Variants in ZRANB3 observed in about 807,000 individuals in gnomAD.
The protein encoded by ZRANB3 is zinc finger RANBP2-type containing 3, also known as DNA annealing helicase and endonuclease ZRANB3.
In ZRANB3, 125 loss-of-function variants were observed where a neutral mutation model predicts 133.8. The ratio of observed to expected loss-of-function variants is 0.93; its 90% CI spans 0.81 to 1.08. The LOEUF is 1.08. ZRANB3 is among the 50% of genes least tolerant of loss of function. The pLI is 0.00. For missense variants in ZRANB3, 1,229 were observed against 1,275.5 expected (o/e 0.96, Z 0.56); for synonymous variants, 387 against 432.7 (o/e 0.89, Z 1.31).
At chr2:135,229,837 A>C (rs1446521623) in intron 13 of ZRANB3, among the ~76,000 whole-genome samples, 1 of 152,174 alleles carries the variant, frequency 6.6e-6, no homozygotes, top group African/African-American at 2.4e-5. Context: ...TCTTTTTCTT[A>C]CGACAACCAC....
At chr2:135,227,352 T>C (rs1303701985) in intron 14 of ZRANB3, among the ~76,000 whole-genome samples, 1 of 152,234 alleles carries the variant, frequency 6.6e-6, no homozygotes, top group Non-Finnish European at 1.5e-5. Context: ...TGACATTATG[T>C]TCCCTAAAAA....
intron 2 of ZRANB3, among the ~76,000 whole-genome samples, chr2:135,443,759 T>A (rs1689899533): frequency 6.6e-6 from 1 of 151,962 alleles, no homozygotes; most frequent in Non-Finnish European, 1.5e-5. Context: ...TAAGGAAAGA[T>A]TAAGAAACTA....
At chr2:135,354,791 G>A (rs1295407363) in intron 3 of ZRANB3, among the ~76,000 whole-genome samples, 1 of 152,196 alleles carries the variant, frequency 6.6e-6, no homozygotes, top group Non-Finnish European at 1.5e-5. Context: ...GGAATAGCAT[G>A]AGGGAACTTT....
intron 3 of ZRANB3, among the ~76,000 whole-genome samples, chr2:135,377,042 A>G (rs936411190): frequency 1.3e-5 from 2 of 152,258 alleles, no homozygotes; most frequent in Admixed American, 6.5e-5. Flanking sequence ...TCTAGCCAAT[A>G]AAGTTCTTTC....
chr2:135,215,627 A>G (rs538303253), intron 17 of ZRANB3, among the ~76,000 whole-genome samples: 1 of 152,262 alleles, frequency 6.6e-6, no homozygotes, highest in Admixed American at 6.5e-5. Context: ...GTCTCAGCCC[A>G]TATCTCATCC....
rs769463877 is a variant in ZRANB3 at position 135,200,117 on chromosome 2, A to G, written c.*225T>C. ...TGCTGAAACATAATTGCGAGTCTGA[A>G]TCAAATCAAAAAGACCACAGAAATA... On this transcript the variant is annotated 3_prime_UTR_variant, in exon 21 of 21. Transcript: ENST00000264159. 2.4e-5 allele frequency: 15 copies of G among 612,792 alleles called. No individual in the cohort carries two copies. The South Asian group carries it at 2.6e-4, about 11-fold the overall frequency. 38.0% of individuals were successfully genotyped at this position (612,792 alleles called of 1,614,324 possible). A position where few individuals can be genotyped will look rare whatever the true frequency, so the allele number is the denominator to read the frequency against.
chr2:135,476,704 T>C (rs1691513299), intron 2 of ZRANB3, among the ~76,000 whole-genome samples: 1 of 151,422 alleles, frequency 6.6e-6, no homozygotes, highest in African/African-American at 2.4e-5. Flanking sequence ...TTTTTTTTTT[T>C]TTTTCTTTTC....
intron 1 of ZRANB3, among the ~76,000 whole-genome samples, chr2:135,523,112 T>C (rs1694014809): frequency 6.6e-6 from 1 of 152,208 alleles, no homozygotes; most frequent in Non-Finnish European, 1.5e-5. Flanking sequence ...CTCACCAAAT[T>C]TGTGTGCCCC....
intron 2 of ZRANB3, among the ~76,000 whole-genome samples, chr2:135,455,423 T>C (rs961164060): frequency 2.6e-5 from 4 of 151,506 alleles, no homozygotes; most frequent in Non-Finnish European, 4.4e-5. Context: ...CCTGACTTCA[T>C]GTGGTCCACC....
intron 13 of ZRANB3, among the ~76,000 whole-genome samples, chr2:135,229,823 A>G (rs1213656029): frequency 6.6e-6 from 1 of 152,216 alleles, no homozygotes; most frequent in Non-Finnish European, 1.5e-5. Context: ...AAGAATACGC[A>G]TGATCTTTTT....
intron 1 of ZRANB3, among the ~76,000 whole-genome samples, chr2:135,505,116 G>A (rs1312747636): frequency 6.6e-6 from 1 of 152,008 alleles, no homozygotes; most frequent in African/African-American, 2.4e-5. Context: ...TTCCACAGAT[G>A]TTACTGTAAT....
chr2:135,248,882 G>C (rs1190335988), intron 12 of ZRANB3, among the ~76,000 whole-genome samples: 4 of 151,974 alleles, frequency 2.6e-5, no homozygotes, highest in Non-Finnish European at 1.5e-5. Flanking sequence ...TTCCAGCCTG[G>C]GTGAGAAAGC....
intron 4 of ZRANB3, chr2:135,353,222 A>G: frequency 4.0e-6 from 1 of 251,670 alleles, no homozygotes; most frequent in Non-Finnish European, 7.5e-6. Flanking sequence ...AAGTATACGT[A>G]TTTTACATTT....
At chr2:135,530,607 G>A (rs374113744) in intron 1 of ZRANB3, 13 of 152,200 alleles carry the variant, frequency 8.5e-5, no homozygotes, top group Admixed American at 5.2e-4. Context: ...ACGTTCAACG[G>A]GACAACGTGA....
chr2:135,295,897 A>G (rs1037808247), intron 8 of ZRANB3, among the ~76,000 whole-genome samples: 4 of 152,174 alleles, frequency 2.6e-5, no homozygotes, highest in African/African-American at 4.8e-5. Flanking sequence ...AGAATGTTGA[A>G]TATTGGCCCC....
intron 2 of ZRANB3, among the ~76,000 whole-genome samples, chr2:135,395,459 T>TTA (rs60864048): frequency 2.0e-5 from 3 of 150,204 alleles, no homozygotes; most frequent in African/African-American, 7.4e-5. Flanking sequence ...TTTTTTTTTT[T>TTA]AATTTTTTTT....
At chr2:135,415,656 A>G (rs894007807) in intron 2 of ZRANB3, among the ~76,000 whole-genome samples, 5 of 152,224 alleles carry the variant, frequency 3.3e-5, no homozygotes, top group African/African-American at 4.8e-5. Context: ...CACAGCCAAA[A>G]AAGAGAATTT....
intron 4 of ZRANB3, 77 bp from the exon 5 acceptor site, chr2:135,350,292 A>G: frequency 9.5e-7 from 1 of 1,051,086 alleles, no homozygotes; most frequent in Non-Finnish European, 1.4e-6. Context: ...CTCTTGGGAA[A>G]AAATACAGAG....
At chr2:135,369,166 T>C (rs1274311951) in intron 3 of ZRANB3, among the ~76,000 whole-genome samples, 1 of 152,016 alleles carries the variant, frequency 6.6e-6, no homozygotes, top group East Asian at 1.9e-4. Context: ...AGTACAATGT[T>C]TAAAAAAACA....
Sources: allele counts gnomAD v4.1 joint callset (sites outside exome capture counted in the v4.1 genomes callset), GRCh38; gene constraint gnomAD v4.1.1; transcripts MANE v1.5; gene names NCBI Gene and HGNC (gene_info 2026-07-23, HGNC 2026-07-21).